Variants in SLC24A2 observed in about 807,000 individuals in gnomAD.
SLC24A2 encodes sodium/potassium/calcium exchanger 2.
Under a neutral mutation model 62.0 loss-of-function variants are expected in SLC24A2, and 36 were observed. That is an observed-to-expected ratio of 0.58 (90% CI 0.44 to 0.77). The LOEUF (loss-of-function observed/expected upper bound fraction) is 0.77, where lower values mean the gene tolerates loss of function less well. Ranked by LOEUF, SLC24A2 falls within the 30% of genes least tolerant of loss-of-function variation. SLC24A2 has a pLI of 0.00. For synonymous variants in SLC24A2, 358 were observed against 294.0 expected (o/e 1.22, Z -2.23); for missense variants, 846 against 817.9 (o/e 1.03, Z -0.42).
the SLC24A2 span, among the ~76,000 whole-genome samples, chr9:20,077,087 T>TC: frequency 2.6e-5 from 4 of 151,810 alleles, no homozygotes; most frequent in African/African-American, 9.7e-5. Flanking sequence ...TGAAATCTTT[T>TC]TAAAAAAAGG....
chr9:20,105,441 C>T, the SLC24A2 span, among the ~76,000 whole-genome samples: 2 of 147,524 alleles, frequency 1.4e-5, no homozygotes, highest in African/African-American at 2.5e-5. Flanking sequence ...TGACCACATA[C>T]TTGGAAGTAA....
chr9:19,688,902 T>C (rs1369159879), intron 2 of SLC24A2, among the ~76,000 whole-genome samples: 1 of 152,108 alleles, frequency 6.6e-6, no homozygotes, highest in African/African-American at 2.4e-5. Flanking sequence ...CAAATTGTTA[T>C]TGAGTACACA....
At chr9:19,779,270 A>G (rs1481316590) in intron 2 of SLC24A2, among the ~76,000 whole-genome samples, 1 of 152,226 alleles carries the variant, frequency 6.6e-6, no homozygotes, top group Non-Finnish European at 1.5e-5. Context: ...AATGAGTCAC[A>G]AATAGAGGAT....
chr9:19,550,139 G>A lies in SLC24A2; in HGVS notation c.1477C>T (p.Pro493Ser). Residue 493 changes from proline to serine, a missense_variant and splice_region_variant, in exon 8 of 11, where the codon CCT becomes TCT. Transcript: ENST00000341998. The part of the protein sequence containing the change: ...LWITLPDVRK[P>S]SSRKFFPITF... Reference sequence around the variant, plus strand: ...TATTTTTAAAATGCTTTACTTACAGGTTTGCGAACGTCAGGTAACGTAATC... The same window carrying A: ...TATTTTTAAAATGCTTTACTTACAGATTTGCGAACGTCAGGTAACGTAATC... The A allele has an allele frequency of 6.2e-7, 1 of 1,613,714 alleles. No individual in the cohort carries two copies. Among genetic ancestry groups the A allele is most frequent in the Non-Finnish European group, 8.5e-7 (1 of 1,179,782 alleles).
At chr9:20,201,435 T>G in the SLC24A2 span, among the ~76,000 whole-genome samples, 2 of 152,110 alleles carry the variant, frequency 1.3e-5, no homozygotes, top group Non-Finnish European at 2.9e-5. Context: ...TCCTGTCCAC[T>G]TCTGTGATAA....
chr9:19,721,298 A>T (rs1821018293), intron 2 of SLC24A2, among the ~76,000 whole-genome samples: 2 of 152,194 alleles, frequency 1.3e-5, no homozygotes, highest in African/African-American at 2.4e-5. Context: ...AAATGATTTC[A>T]GCTGGATTTC....
chr9:20,240,279 C>T, the SLC24A2 span, among the ~76,000 whole-genome samples: 1 of 152,156 alleles, frequency 6.6e-6, no homozygotes, highest in African/African-American at 2.4e-5. Context: ...TTCAAAGGAG[C>T]CTGCCTAGAT....
chr9:20,193,236 G>C, the SLC24A2 span, among the ~76,000 whole-genome samples: 2 of 152,092 alleles, frequency 1.3e-5, no homozygotes, highest in Non-Finnish European at 2.9e-5. Context: ...TTGAAATAAA[G>C]TACAAACTGG....
the SLC24A2 span, among the ~76,000 whole-genome samples, chr9:20,066,238 T>G: frequency 6.6e-6 from 1 of 152,214 alleles, no homozygotes; most frequent in African/African-American, 2.4e-5. Context: ...AGGCTATTTT[T>G]AAAAAGGCAT....
In SLC24A2 at chr9:19,612,442, G is replaced by C. The variant is rs144417201; in HGVS notation, c.1078+7142C>G. Among the ~76,000 whole-genome samples the C allele has an allele frequency of 3.5e-4, 53 of 152,298 alleles. No homozygotes were observed. The East Asian group carries it at 0.01, about 29-fold the overall frequency. On this transcript the variant is annotated intron_variant, in intron 4 of 10. Coordinates refer to ENST00000341998, the MANE Select transcript of SLC24A2 (RefSeq NM_020344.4). ...TAATCGTTCTGCCTTAGCCTCCAGA[G>C]TAGCTGGGATTACAGGTGTGTGCCA...
the SLC24A2 span, among the ~76,000 whole-genome samples, chr9:19,982,122 T>C: frequency 6.6e-6 from 1 of 152,100 alleles, no homozygotes; most frequent in African/African-American, 2.4e-5. Flanking sequence ...TGGGAAGACT[T>C]CATGGAGGAG....
chr9:20,272,443 A>G, the SLC24A2 span, among the ~76,000 whole-genome samples: 1 of 152,122 alleles, frequency 6.6e-6, no homozygotes, highest in East Asian at 1.9e-4. Flanking sequence ...AACTCCACAA[A>G]TGTAAGCTGA....
intron 4 of SLC24A2, among the ~76,000 whole-genome samples, chr9:19,604,518 G>A (rs946176021): frequency 1.4e-4 from 21 of 152,120 alleles, no homozygotes; most frequent in African/African-American, 5.1e-4. Flanking sequence ...GAGAATCAGT[G>A]CTAATTTATA....
At chr9:20,121,485 A>C in the SLC24A2 span, among the ~76,000 whole-genome samples, 1 of 152,190 alleles carries the variant, frequency 6.6e-6, no homozygotes, top group Non-Finnish European at 1.5e-5. Flanking sequence ...AAATAGATTA[A>C]AGTTATATTT....
At chr9:19,795,759 C>T in the SLC24A2 span, among the ~76,000 whole-genome samples, 1 of 152,236 alleles carries the variant, frequency 6.6e-6, no homozygotes, top group Non-Finnish European at 1.5e-5. Flanking sequence ...CTCTTCCATT[C>T]TTCCCATATA....
the SLC24A2 span, among the ~76,000 whole-genome samples, chr9:20,013,471 A>T: frequency 6.6e-6 from 1 of 152,186 alleles, no homozygotes; most frequent in East Asian, 1.9e-4. Context: ...GGAAGAAAAC[A>T]TGAGGGAAAT....
At chr9:19,923,165 G>A in the SLC24A2 span, among the ~76,000 whole-genome samples, 1 of 151,964 alleles carries the variant, frequency 6.6e-6, no homozygotes, top group African/African-American at 2.4e-5. Context: ...GGGAGGTCAG[G>A]GATTTATAAG....
At chr9:19,617,533 A>G (rs942540915) in intron 4 of SLC24A2, among the ~76,000 whole-genome samples, 2 of 152,254 alleles carry the variant, frequency 1.3e-5, no homozygotes, top group African/African-American at 2.4e-5. Flanking sequence ...AATAGAAGCT[A>G]AGAAGAATGA....
the SLC24A2 span, among the ~76,000 whole-genome samples, chr9:20,195,363 C>G: frequency 6.6e-6 from 1 of 152,072 alleles, no homozygotes; most frequent in Non-Finnish European, 1.5e-5. Flanking sequence ...TCTTCAAAAA[C>G]ATTTGGCATC....
Sources: allele counts gnomAD v4.1 joint callset (sites outside exome capture counted in the v4.1 genomes callset), GRCh38; gene constraint gnomAD v4.1.1; transcripts MANE v1.5; gene names NCBI Gene and HGNC (gene_info 2026-07-23, HGNC 2026-07-21).